PPP1CB: variants seen among roughly 807,000 people sequenced by gnomAD.
PPP1CB encodes serine/threonine-protein phosphatase PP1-beta catalytic subunit.
In PPP1CB, 2 loss-of-function variants were observed where a neutral mutation model predicts 43.7. The observed-to-expected ratio is 0.05, with a 90% CI of 0.02 to 0.14. The LOEUF (loss-of-function observed/expected upper bound fraction) is 0.14, where lower values mean the gene tolerates loss of function less well. Ranked by LOEUF, PPP1CB falls within the 10% of genes least tolerant of loss-of-function variation. The pLI is 1.00. For synonymous variants in PPP1CB, 136 were observed against 135.6 expected (o/e 1.00, Z -0.02); for missense variants, 84 against 398.0 (o/e 0.21, Z 6.71).
rs773158141 is a variant in PPP1CB, at chr2:28,781,720, T to C, written c.416-18T>C. On this transcript the variant is annotated intron_variant, in intron 3 of 7. Coordinates refer to ENST00000395366, the MANE Select transcript of PPP1CB (RefSeq NM_002709.3). ...CAGTTTTAGATTTTTTAATTTATTC[T>C]ATCTGTTCTTTTTACAGGCAAACGA... The C allele has an allele frequency of 8.5e-6, 13 of 1,523,396 alleles. No individual in the cohort carries two copies. The highest frequency in any genetic ancestry group is 4.5e-6 in the Non-Finnish European group (5 of 1,107,750). The allele number at this position is 1,523,396 out of a possible 1,614,324, so 94.4% of individuals were successfully genotyped here. A position where few individuals can be genotyped will look rare whatever the true frequency, so the allele number is the denominator to read the frequency against.
chr2:28,761,102 A>T (rs1171511317), intron 1 of PPP1CB, among the ~76,000 whole-genome samples: 1 of 152,114 alleles, frequency 6.6e-6, no homozygotes, highest in Non-Finnish European at 1.5e-5. Context: ...ATGGGATTTC[A>T]CTAAATCTCG....
intron 6 of PPP1CB, among the ~76,000 whole-genome samples, chr2:28,790,424 C>A (rs1667362557): frequency 1.3e-5 from 2 of 152,148 alleles, no homozygotes; most frequent in African/African-American, 4.8e-5. Flanking sequence ...ACTGCAACTT[C>A]CGCCTCCCAG....
At chr2:28,775,446 C>T (rs574578010) in intron 1 of PPP1CB, among the ~76,000 whole-genome samples, 1 of 152,104 alleles carries the variant, frequency 6.6e-6, no homozygotes, top group Non-Finnish European at 1.5e-5. Context: ...CTTGCTCTGT[C>T]ACCAAGACTG....
intron 1 of PPP1CB, among the ~76,000 whole-genome samples, chr2:28,768,368 T>C (rs1486739918): frequency 2.0e-5 from 3 of 152,108 alleles, no homozygotes; most frequent in Non-Finnish European, 2.9e-5. Context: ...GAGAACCACA[T>C]AAAATCTAAC....
chr2:28,784,939 A>G (rs1322730023), intron 5 of PPP1CB, among the ~76,000 whole-genome samples: 3 of 121,810 alleles, frequency 2.5e-5, no homozygotes, highest in African/African-American at 2.7e-5. Flanking sequence ...AAAAAAGAAA[A>G]AAGAAACAAC....
intron 5 of PPP1CB, among the ~76,000 whole-genome samples, chr2:28,784,860 C>T (rs1667226565): frequency 7.3e-6 from 1 of 136,936 alleles, no homozygotes; most frequent in African/African-American, 2.8e-5. Flanking sequence ...ACAGAGGTTG[C>T]AGTGAGCCGA....
chr2:28,796,190 TA>T (rs57569499), intron 7 of PPP1CB, among the ~76,000 whole-genome samples: 83,756 of 151,934 alleles, frequency 0.55, 23,539 homozygotes, highest in Middle Eastern at 0.62. Context: ...TTGGTTACTG[TA>T]AGCCTTATAA....
rs1336226884 is a variant in PPP1CB at position 28,801,214 on chromosome 2, C to G, written c.*1911C>G. On this transcript the variant is annotated 3_prime_UTR_variant, in exon 8 of 8. Transcript: ENST00000395366. Reference sequence around the variant, plus strand: ...GTTTTATCTGAGGTGATTTAAATAACTTCCTGATTGGAGTGTGTAAGCTGA... The same window carrying G: ...GTTTTATCTGAGGTGATTTAAATAAGTTCCTGATTGGAGTGTGTAAGCTGA... The G allele has an allele frequency of 6.6e-6, 1 of 152,110 alleles. No homozygotes were observed. Among genetic ancestry groups the G allele is most frequent in the Non-Finnish European group, 1.5e-5 (1 of 67,956 alleles). 9.4% of individuals were successfully genotyped at this position (152,110 alleles called of 1,614,324 possible). A position where few individuals can be genotyped will look rare whatever the true frequency, so the allele number is the denominator to read the frequency against.
At chr2:28,772,126 G>T (rs1350979987) in intron 1 of PPP1CB, among the ~76,000 whole-genome samples, 1 of 152,132 alleles carries the variant, frequency 6.6e-6, no homozygotes, top group Non-Finnish European at 1.5e-5. Context: ...AGATGAGCCT[G>T]AGCAACATGG....
intron 1 of PPP1CB, among the ~76,000 whole-genome samples, chr2:28,770,130 G>A (rs552194496): frequency 3.3e-5 from 5 of 152,150 alleles, no homozygotes; most frequent in South Asian, 2.1e-4. Flanking sequence ...TTGGCTGGGC[G>A]TGGGTGCCTG....
chr2:28,767,715 G>T (rs1666809713), intron 1 of PPP1CB, among the ~76,000 whole-genome samples: 1 of 152,114 alleles, frequency 6.6e-6, no homozygotes, highest in African/African-American at 2.4e-5. Flanking sequence ...AAACTTTATG[G>T]CCACCAAAAT....
At chr2:28,766,884 A>T (rs971134339) in intron 1 of PPP1CB, among the ~76,000 whole-genome samples, 10 of 152,162 alleles carry the variant, frequency 6.6e-5, no homozygotes, top group African/African-American at 2.2e-4. Context: ...GATTGAGATC[A>T]TCCTGGCTAA....
intron 6 of PPP1CB, among the ~76,000 whole-genome samples, chr2:28,791,825 C>T (rs765114736): frequency 1.3e-5 from 2 of 152,120 alleles, no homozygotes; most frequent in Admixed American, 6.6e-5. Flanking sequence ...TTCTGAACTA[C>T]GCTAGTTTGC....
chr2:28,794,306 T>C (rs2148060683), intron 7 of PPP1CB, among the ~76,000 whole-genome samples: 1 of 152,342 alleles, frequency 6.6e-6, no homozygotes, highest in East Asian at 1.9e-4. Flanking sequence ...GTGAATGTAA[T>C]GAATAGTTTA....
At position 28,800,215 on chromosome 2, in the gene PPP1CB, CT is replaced by C. The variant is rs1039305518; in HGVS notation, c.*918del. 4 of 94,404 alleles carry C rather than the reference CT, an allele frequency of 4.2e-5. No homozygotes were observed. In the Admixed American group the frequency reaches 4.6e-4, roughly 11 times the overall value. The allele number at this position is 94,404 out of a possible 1,614,324, so 5.8% of individuals were successfully genotyped here. The stretch of plus-strand genomic sequence containing the variant: ...CTTCACCTGCATTGGTTTTCTTTTT[CT>C]TTTTTCTTTCTTTTTTTTTTTTTTT... On this transcript the variant is annotated 3_prime_UTR_variant, in exon 8 of 8. Coordinates refer to ENST00000395366, the MANE Select transcript of PPP1CB (RefSeq NM_002709.3).
chr2:28,779,088 A>G, intron 3 of PPP1CB, 49 bp downstream of exon 3: 1 of 1,385,392 alleles, frequency 7.2e-7, no homozygotes, highest in South Asian at 1.3e-5. Flanking sequence ...AACATTGCCT[A>G]ATAATTTTCT....
intron 1 of PPP1CB, among the ~76,000 whole-genome samples, chr2:28,754,871 C>T (rs1370538516): frequency 6.6e-6 from 1 of 152,154 alleles, no homozygotes; most frequent in African/African-American, 2.4e-5. Flanking sequence ...GGAAAACATT[C>T]AGCAGGACCT....
At chr2:28,763,701 ACG>A (rs1666712994) in intron 1 of PPP1CB, among the ~76,000 whole-genome samples, 1 of 122,306 alleles carries the variant, frequency 8.2e-6, no homozygotes, top group Non-Finnish European at 2.0e-5. Context: ...CTCTGAATCC[ACG>A]TTAGTTATTC....
chr2:28,797,389 C>G (rs1266188547), intron 7 of PPP1CB, among the ~76,000 whole-genome samples: 1 of 152,072 alleles, frequency 6.6e-6, no homozygotes, highest in African/African-American at 2.4e-5. Flanking sequence ...GTGAATCTTT[C>G]TGGGCCAGGG....
Sources: gnomAD v4.1 joint callset for allele counts (sites outside exome capture counted in the v4.1 genomes callset) on GRCh38, gnomAD v4.1.1 for gene constraint, MANE v1.5 for transcripts, NCBI Gene and HGNC (gene_info 2026-07-23, HGNC 2026-07-21) for gene names.